Variants in PALS2 observed in about 807,000 individuals in gnomAD.
PALS2 encodes the protein protein PALS2.
A neutral mutation model predicts 61.6 loss-of-function variants in PALS2; 27 were observed. The ratio of observed to expected loss-of-function variants is 0.44; its 90% confidence interval spans 0.32 to 0.60. The LOEUF (loss-of-function observed/expected upper bound fraction) is 0.60, where lower values mean the gene tolerates loss of function less well. Among genes scored for constraint, PALS2 ranks in the 20% least tolerant of loss-of-function variants. The pLI, the probability that PALS2 is intolerant of heterozygous loss-of-function variation, is 0.05. For synonymous variants in PALS2, 236 were observed against 218.6 expected (o/e 1.08, Z -0.70); for missense variants, 554 against 639.4 (o/e 0.87, Z 1.44).
At position 24,573,673 on chromosome 7, in the gene PALS2, G is replaced by A. The variant is rs537493301; in HGVS notation, c.-3+80G>A. ...CCGGCCGGGGGCGCCCTGTTGCTCGGCGCGGCGCGCCACGCGGGGACCCTG... is the reference window on the plus strand; with the variant it reads ...CCGGCCGGGGGCGCCCTGTTGCTCGACGCGGCGCGCCACGCGGGGACCCTG... On this transcript the variant is annotated intron_variant, in intron 1 of 11. Coordinates refer to ENST00000222644, the MANE Select transcript of PALS2 (RefSeq NM_001303037.2). This position sits in a 1 kb window ranked among gnomAD's most constrained non-coding sequence, Gnocchi z 5.3. 1 of 206,518 alleles carries A rather than the reference G, an allele frequency of 4.8e-6. No individual in the cohort carries two copies. The highest frequency in any genetic ancestry group is 9.5e-6 in the Non-Finnish European group (1 of 104,840). 12.8% of individuals were successfully genotyped at this position (206,518 alleles called of 1,614,324 possible).
intron 11 of PALS2, among the ~76,000 whole-genome samples, chr7:24,684,917 G>C (rs1296392081): frequency 6.6e-6 from 1 of 151,728 alleles, no homozygotes; most frequent in African/African-American, 2.4e-5. Flanking sequence ...GGCTTTTATT[G>C]TTCTTAGGAT....
chr7:24,603,915 A>G (rs967926084), intron 1 of PALS2, among the ~76,000 whole-genome samples: 1 of 152,214 alleles, frequency 6.6e-6, no homozygotes, highest in Non-Finnish European at 1.5e-5. Flanking sequence ...ACTGCTAGAC[A>G]TGGCAAAGAA....
intron 9 of PALS2, among the ~76,000 whole-genome samples, chr7:24,672,367 A>G (rs1381344628): frequency 6.6e-6 from 1 of 151,832 alleles, no homozygotes. Flanking sequence ...AGCTGGGATT[A>G]CAGGCACCCA....
At chr7:24,676,550 G>A (rs1787604995) in intron 9 of PALS2, among the ~76,000 whole-genome samples, 2 of 151,956 alleles carry the variant, frequency 1.3e-5, no homozygotes, top group South Asian at 4.1e-4. Context: ...ATTGATTTTT[G>A]TATAAGGTGT....
At chr7:24,593,398 T>G (rs1487783760) in intron 1 of PALS2, among the ~76,000 whole-genome samples, 5 of 152,120 alleles carry the variant, frequency 3.3e-5, no homozygotes, top group Non-Finnish European at 7.4e-5. Flanking sequence ...TTGAAGGATA[T>G]TTTGACCTTC....
At chr7:24,649,549 CT>C (rs1786029880) in intron 3 of PALS2, 62 bp from the exon 4 acceptor site, 2 of 1,406,564 alleles carry the variant, frequency 1.4e-6, no homozygotes, top group Non-Finnish European at 1.9e-6. Flanking sequence ...TAACAAAGTA[CT>C]TTTAGTAACA....
chr7:24,650,820 T>A (rs1455900258), intron 5 of PALS2, 108 bp downstream of exon 5: 2 of 790,656 alleles, frequency 2.5e-6, no homozygotes, highest in African/African-American at 1.8e-5. Flanking sequence ...AGAGAAAAAA[T>A]TGATTTGAGT....
chr7:24,670,235 A>T (rs1012705209), intron 9 of PALS2, among the ~76,000 whole-genome samples: 7 of 151,806 alleles, frequency 4.6e-5, no homozygotes, highest in African/African-American at 1.7e-4. Flanking sequence ...GAATCTCTGG[A>T]GTTCTGTTTT....
rs2128036049 is a variant in PALS2 at position 24,573,789 on chromosome 7, C to T, written c.-3+196C>T. Among the ~76,000 whole-genome samples, 1 of 147,926 alleles carries T rather than the reference C, an allele frequency of 6.8e-6. No homozygotes were observed. ...GGCGGCGGCGCCGCGGTCGGGGAGGCTGCTGGCCGCCCCCAGCCCGGCCCG... is the reference window on the plus strand; with the variant it reads ...GGCGGCGGCGCCGCGGTCGGGGAGGTTGCTGGCCGCCCCCAGCCCGGCCCG... On this transcript the variant is annotated intron_variant, in intron 1 of 11. Transcript: ENST00000222644. This position sits in a 1 kb window ranked among gnomAD's most constrained non-coding sequence, Gnocchi z 5.3.
Position 24,691,474 on chromosome 7 carries a change from C to G in PALS2, c.*3860C>G, listed in dbSNP as rs1040643006. ...CTATGTGTATAATATGTAAAATTCT[C>G]CCAAAATGTATGAATATAAAACTGA... On this transcript the variant is annotated 3_prime_UTR_variant, in exon 12 of 12. Transcript: ENST00000222644. 7.2e-6 allele frequency: 1 copy of G among 139,350 alleles called. No individual in the cohort carries two copies. The highest frequency in any genetic ancestry group is 2.9e-5 in the African/African-American group (1 of 35,056). The allele number at this position is 139,350 out of a possible 1,614,324, so 8.6% of individuals were successfully genotyped here. A position where few individuals can be genotyped will look rare whatever the true frequency, so the allele number is the denominator to read the frequency against.
rs188270080 is a variant in PALS2, at chr7:24,660,777, A to G, written c.652-2813A>G. On this transcript the variant is annotated intron_variant, in intron 5 of 11. Coordinates refer to ENST00000222644, the MANE Select transcript of PALS2 (RefSeq NM_001303037.2). Reference sequence around the variant, plus strand: ...AGGTCAGAGGGTTTATGCGTTTGTAATCTTGACAGCTATTGCCAAATTGTC... The same window carrying G: ...AGGTCAGAGGGTTTATGCGTTTGTAGTCTTGACAGCTATTGCCAAATTGTC... Among the ~76,000 whole-genome samples, 9 of 152,336 alleles carry G rather than the reference A, an allele frequency of 5.9e-5. No homozygotes were observed. The East Asian group carries it at 1.7e-3, about 29-fold the overall frequency.
chr7:24,625,702 T>C (rs1206938488), intron 2 of PALS2, among the ~76,000 whole-genome samples: 1 of 152,248 alleles, frequency 6.6e-6, no homozygotes, highest in East Asian at 1.9e-4. Context: ...TTCATTATTC[T>C]TAACAGTTGC....
rs77784020 is a variant in PALS2, at chr7:24,663,994, T to G, written c.783+273T>G. On this transcript the variant is annotated intron_variant, in intron 6 of 11. Coordinates refer to ENST00000222644, the MANE Select transcript of PALS2 (RefSeq NM_001303037.2). ...GTTTTTTTCACATGGGTAATTGCATTAAAATATGCTATTGGCCAAGAAGAA... is the reference window on the plus strand; with the variant it reads ...GTTTTTTTCACATGGGTAATTGCATGAAAATATGCTATTGGCCAAGAAGAA... Among the ~76,000 whole-genome samples, 1,262 of 152,304 alleles carry G rather than the reference T, an allele frequency of 8.3e-3. 15 individuals carry two copies. Among genetic ancestry groups the G allele is most frequent in the African/African-American group, 0.028 (1,172 of 41,572 alleles).
At chr7:24,624,646 T>A (rs1784662665) in intron 2 of PALS2, among the ~76,000 whole-genome samples, 1 of 139,630 alleles carries the variant, frequency 7.2e-6, no homozygotes, top group African/African-American at 2.8e-5. Context: ...TCACTTTGTC[T>A]CCCAGGCTGG....
At chr7:24,593,188 C>T (rs531137791) in intron 1 of PALS2, among the ~76,000 whole-genome samples, 31 of 151,928 alleles carry the variant, frequency 2.0e-4, no homozygotes, top group African/African-American at 6.8e-4. Context: ...CTTTTTTTGC[C>T]CACTTGTAAA....
At position 24,574,455 on chromosome 7, in the gene PALS2, T is replaced by G. The variant is rs1040513004; in HGVS notation, c.-3+862T>G. Among the ~76,000 whole-genome samples the G allele has an allele frequency of 3.3e-5, 5 of 152,224 alleles. No individual in the cohort carries two copies. In the South Asian group the frequency reaches 8.3e-4, roughly 25 times the overall value. On this transcript the variant is annotated intron_variant, in intron 1 of 11. Coordinates refer to ENST00000222644, the MANE Select transcript of PALS2 (RefSeq NM_001303037.2). ...TTTACTGGGAGTTTATTCTCAATCCTACCAGTTTCTGGGATTGCAGCTCGA... is the reference window on the plus strand; with the variant it reads ...TTTACTGGGAGTTTATTCTCAATCCGACCAGTTTCTGGGATTGCAGCTCGA...
intron 5 of PALS2, among the ~76,000 whole-genome samples, chr7:24,655,238 G>A (rs897455012): frequency 7.9e-5 from 12 of 152,102 alleles, no homozygotes; most frequent in Non-Finnish European, 1.5e-4. Context: ...CAATTCTTAC[G>A]TATGTACAGC....
Position 24,687,439 on chromosome 7 carries a change from A to G in PALS2, c.1448A>G (p.Asp483Gly). Residue 483 changes from aspartate to glycine, a missense_variant and splice_region_variant, in exon 12 of 12, where the codon GAC becomes GGC. Transcript: ENST00000222644. The surrounding 1 kb of genome is among the most constrained non-coding windows in gnomAD (Gnocchi z 4.5). ...TTTCCTTTTAAAACTCTTCAACAGGACTCTGACTTGAAGAAAACAGTGGAT... is the reference window on the plus strand; with the variant it reads ...TTTCCTTTTAAAACTCTTCAACAGGGCTCTGACTTGAAGAAAACAGTGGAT... The part of the protein sequence containing the change: ...DAGITTKLLT[D>G]SDLKKTVDES... 1 of 1,607,330 alleles carries G rather than the reference A, an allele frequency of 6.2e-7. No homozygotes were observed. Among genetic ancestry groups the G allele is most frequent in the South Asian group, 1.1e-5 (1 of 89,534 alleles).
Position 24,687,599 on chromosome 7 carries a change from C to G in PALS2, c.1608C>G (p.Ile536Met). The change falls in exon 12 of 12, where the codon ATC becomes ATG. Residue 536 changes from isoleucine to methionine, a missense_variant. Coordinates refer to ENST00000222644, the MANE Select transcript of PALS2 (RefSeq NM_001303037.2). This position sits in a 1 kb window ranked among gnomAD's most constrained non-coding sequence, Gnocchi z 4.5. ...GAATGGAACCACAGTGGGTCCCAAT[C>G]AGCTGGGTTTACTGATGATTCAGTA... The part of the protein sequence containing the change: ...KLRMEPQWVP[I>M]SWVY The G allele has an allele frequency of 6.2e-7, 1 of 1,607,044 alleles. No individual in the cohort carries two copies. Among genetic ancestry groups the G allele is most frequent in the Non-Finnish European group, 8.5e-7 (1 of 1,178,114 alleles).
Sources: allele counts gnomAD v4.1 joint callset (sites outside exome capture counted in the v4.1 genomes callset), GRCh38; gene constraint gnomAD v4.1.1; non-coding constraint Gnocchi (gnomAD v3.1); transcripts MANE v1.5; gene names NCBI Gene and HGNC (gene_info 2026-07-23, HGNC 2026-07-21).